Variants in SNX29 observed in about 807,000 individuals in gnomAD.
SNX29 encodes the protein sorting nexin 29.
SNX29 carries 78 observed loss-of-function variants against 102.1 expected under a neutral mutation model. The ratio of observed to expected loss-of-function variants is 0.76; its 90% CI spans 0.64 to 0.92. SNX29 has a LOEUF of 0.92. Ranked by LOEUF, SNX29 falls within the 40% of genes least tolerant of loss-of-function variation. SNX29 has a pLI of 0.00. For synonymous variants in SNX29, 580 were observed against 414.5 expected (o/e 1.40, Z -4.85); for missense variants, 1,280 against 1,061.7 (o/e 1.21, Z -2.86).
At chr16:12,387,336 C>G (rs141372336) in intron 16 of SNX29, among the ~76,000 whole-genome samples, 1 of 151,922 alleles carries the variant, frequency 6.6e-6, no homozygotes, top group Admixed American at 6.6e-5. Context: ...CCCCATTCTT[C>G]CCAGGGCTGC....
At chr16:12,306,500 G>C (rs1375060792) in intron 15 of SNX29, among the ~76,000 whole-genome samples, 1 of 152,168 alleles carries the variant, frequency 6.6e-6, no homozygotes, top group Non-Finnish European at 1.5e-5. Flanking sequence ...TCTTTGGCTG[G>C]AGAATTAGCG....
chr16:12,015,532 C>T (rs2056818619), intron 3 of SNX29, among the ~76,000 whole-genome samples: 1 of 145,624 alleles, frequency 6.9e-6, no homozygotes, highest in African/African-American at 2.6e-5. Context: ...GCCACCGTGC[C>T]TGGTCTTTTT....
chr16:12,476,630 T>G (rs1437902987), intron 18 of SNX29, among the ~76,000 whole-genome samples: 1 of 151,232 alleles, frequency 6.6e-6, no homozygotes, highest in Non-Finnish European at 1.5e-5. Context: ...ACCCCGGGAC[T>G]TCTGTAAACT....
Position 12,145,188 on chromosome 16 carries a change from T to G in SNX29, c.1595+15430T>G, listed in dbSNP as rs2055015562. On this transcript the variant is annotated intron_variant, in intron 13 of 20. Coordinates refer to ENST00000566228, the MANE Select transcript of SNX29 (RefSeq NM_032167.5). ...TACCTGAGATTTCTTGAGGGAACTC[T>G]TGTTTTCATACTTAAAAAAAAAAAA... 4.0e-5 allele frequency among the ~76,000 whole-genome samples: 6 copies of G among 150,146 alleles called. No homozygotes were observed. The South Asian group carries it at 1.3e-3, about 32-fold the overall frequency.
chr16:12,046,085 C>T (rs1212675918), intron 5 of SNX29, among the ~76,000 whole-genome samples: 1 of 152,166 alleles, frequency 6.6e-6, no homozygotes, highest in Non-Finnish European at 1.5e-5. Context: ...GTGGAAGTCA[C>T]CCACCTGACA....
intron 13 of SNX29, among the ~76,000 whole-genome samples, chr16:12,198,041 A>G (rs147173609): frequency 2.0e-5 from 3 of 152,268 alleles, no homozygotes; most frequent in Admixed American, 6.5e-5. Context: ...TTCCATCCGT[A>G]AATAGACTGA....
chr16:12,274,477 A>G (rs2079184830), intron 14 of SNX29, among the ~76,000 whole-genome samples: 1 of 150,004 alleles, frequency 6.7e-6, no homozygotes, highest in Non-Finnish European at 1.5e-5. Context: ...TCTGTGTGTT[A>G]TCTTTTTCTC....
At chr16:12,141,578 T>C (rs548893228) in intron 13 of SNX29, among the ~76,000 whole-genome samples, 73 of 152,354 alleles carry the variant, frequency 4.8e-4, no homozygotes, top group Non-Finnish European at 5.9e-5. Flanking sequence ...GGCAGATTAT[T>C]CATGAGTTTT....
chr16:12,095,853 A>G (rs921105273), intron 11 of SNX29, among the ~76,000 whole-genome samples: 2 of 152,206 alleles, frequency 1.3e-5, no homozygotes, highest in African/African-American at 4.8e-5. Flanking sequence ...TTACTTGTCA[A>G]TAGGCTGTGT....
chr16:12,241,921 G>A (rs2078115506), intron 14 of SNX29, among the ~76,000 whole-genome samples: 1 of 152,166 alleles, frequency 6.6e-6, no homozygotes, highest in Admixed American at 6.5e-5. Flanking sequence ...GGGGGCTCCT[G>A]CCTCTGTGCC....
intron 18 of SNX29, among the ~76,000 whole-genome samples, chr16:12,429,977 T>C (rs1309621238): frequency 3.9e-5 from 6 of 152,208 alleles, no homozygotes; most frequent in African/African-American, 1.4e-4. Flanking sequence ...GGCTGTTGCC[T>C]GTTAGGAACC....
chr16:12,559,076 G>A (rs2078556749), intron 20 of SNX29, among the ~76,000 whole-genome samples: 1 of 152,140 alleles, frequency 6.6e-6, no homozygotes, highest in Non-Finnish European at 1.5e-5. Flanking sequence ...CTACCGCTGT[G>A]TCCCCGTGCT....
In SNX29 at chr16:12,338,356, A is replaced by T. The variant is rs572327927; in HGVS notation, c.1783-17807A>T. ...GGGATGTTCAGAACCCTGGGGGTAA[A>T]TAAGGAAGCTCATCGGGGATCAGAC... On this transcript the variant is annotated intron_variant, in intron 15 of 20. Transcript: ENST00000566228. Among the ~76,000 whole-genome samples, 4 of 152,198 alleles carry T rather than the reference A, an allele frequency of 2.6e-5. No homozygotes were observed. In the East Asian group the frequency reaches 7.7e-4, roughly 29 times the overall value.
At chr16:12,409,767 A>G (rs1305444370) in intron 18 of SNX29, among the ~76,000 whole-genome samples, 1 of 152,224 alleles carries the variant, frequency 6.6e-6, no homozygotes, top group Admixed American at 6.5e-5. Context: ...GGTATGAAGT[A>G]ATACATCAGT....
intron 18 of SNX29, 63 bp downstream of exon 18, chr16:12,403,592 G>A (rs976536526): frequency 2.0e-6 from 3 of 1,494,230 alleles, no homozygotes; most frequent in Non-Finnish European, 2.7e-6. Flanking sequence ...TTGTCATGCT[G>A]TGGTGCTTTT....
At chr16:12,563,407 G>T (rs112198995) in intron 20 of SNX29, among the ~76,000 whole-genome samples, 5 of 152,188 alleles carry the variant, frequency 3.3e-5, no homozygotes, top group African/African-American at 9.7e-5. Context: ...AATAGATGGC[G>T]ACTGGATTTT....
chr16:12,343,752 A>G (rs1015291760), intron 15 of SNX29, among the ~76,000 whole-genome samples: 6 of 152,230 alleles, frequency 3.9e-5, no homozygotes, highest in African/African-American at 1.4e-4. Context: ...TGTCACACTG[A>G]TGCCCAGAGC....
Position 12,548,346 on chromosome 16 carries a change from G to A in SNX29, c.2319-20160G>A, listed in dbSNP as rs1046956467. On this transcript the variant is annotated intron_variant, in intron 20 of 20. Transcript: ENST00000566228. ...CTTGGTGCCTCCATGGGGAATGACA[G>A]TGGGCACTCTGCACCCACATGGAAG... 5.3e-5 allele frequency among the ~76,000 whole-genome samples: 8 copies of A among 152,352 alleles called. No individual in the cohort carries two copies. The East Asian group carries it at 7.7e-4, about 15-fold the overall frequency.
At chr16:12,478,134 T>C (rs1212239299) in intron 19 of SNX29, among the ~76,000 whole-genome samples, 1 of 152,214 alleles carries the variant, frequency 6.6e-6, no homozygotes, top group African/African-American at 2.4e-5. Flanking sequence ...TATGTTTGGC[T>C]TTGGGGACTT....
Sources: allele counts gnomAD v4.1 joint callset (sites outside exome capture counted in the v4.1 genomes callset), GRCh38; gene constraint gnomAD v4.1.1; transcripts MANE v1.5; gene names NCBI Gene and HGNC (gene_info 2026-07-23, HGNC 2026-07-21).